Variants in CA6 observed in about 807,000 individuals in gnomAD.
CA6 encodes carbonate dehydratase VI.
A neutral mutation model predicts 35.9 loss-of-function variants in CA6; 28 were observed. The observed-to-expected ratio is 0.78, with a 90% CI of 0.58 to 1.07. CA6 has a LOEUF of 1.07. Among genes scored for constraint, CA6 ranks in the 50% least tolerant of loss-of-function variants. The pLI is 0.00. For synonymous variants in CA6, 148 were observed against 152.6 expected, an observed-to-expected ratio of 0.97 and a Z score of 0.22; for missense variants, 377 against 382.0, an observed-to-expected ratio of 0.99 and a Z score of 0.11.
intron 5 of CA6, among the ~76,000 whole-genome samples, chr1:8,966,196 G>A (rs1465984419): frequency 6.6e-6 from 1 of 151,884 alleles, no homozygotes; most frequent in African/African-American, 2.4e-5. Context: ...TGCAACCTCC[G>A]CCTCCCAAGT....
At chr1:8,953,613 CCTT>C (rs1469806257) in intron 2 of CA6, among the ~76,000 whole-genome samples, 1 of 147,340 alleles carries the variant, frequency 6.8e-6, no homozygotes. Flanking sequence ...CAGAGCAAGA[CCTT>C]CTCTCAATCA....
chr1:8,951,283 T>C, intron 2 of CA6: 2 of 572,554 alleles, frequency 3.5e-6, no homozygotes. Context: ...AAGTAGCAAA[T>C]TGGAGAATGA....
Position 8,951,626 on chromosome 1 carries a change from A to T in CA6, c.259+2184A>T, listed in dbSNP as rs775770811. Reference sequence around the variant, plus strand: ...AGAAGAGGGAAGGCATATGGAAGAGAAGAGCCCAGCTTCCCAAGGGGCTTG... The same window carrying T: ...AGAAGAGGGAAGGCATATGGAAGAGTAGAGCCCAGCTTCCCAAGGGGCTTG... On this transcript the variant is annotated intron_variant, in intron 2 of 7. Coordinates refer to ENST00000377443, the MANE Select transcript of CA6 (RefSeq NM_001215.4). 1.7e-5 allele frequency: 13 copies of T among 765,046 alleles called. No homozygotes were observed. The Admixed American group carries it at 2.0e-4, about 12-fold the overall frequency. 47.4% of individuals were successfully genotyped at this position (765,046 alleles called of 1,614,324 possible).
At chr1:8,972,745 G>T (rs1237717910) in intron 7 of CA6, among the ~76,000 whole-genome samples, 1 of 151,902 alleles carries the variant, frequency 6.6e-6, no homozygotes, top group Non-Finnish European at 1.5e-5. Context: ...CCCGAATAAG[G>T]CCTATTTGTG....
At chr1:8,974,578 C>A in intron 7 of CA6, 44 bp from the exon 8 acceptor site, 1 of 1,471,796 alleles carries the variant, frequency 6.8e-7, no homozygotes, top group Non-Finnish European at 9.4e-7. Flanking sequence ...TTTGTGAGGA[C>A]TGTACAAGGT....
rs969888912 is a variant in CA6, at chr1:8,967,185, G to A, written c.572-474G>A. Among the ~76,000 whole-genome samples, 15 of 152,040 alleles carry A rather than the reference G, an allele frequency of 9.9e-5. 1 individual carries two copies. The South Asian group carries it at 3.1e-3, about 32-fold the overall frequency. On this transcript the variant is annotated intron_variant, in intron 5 of 7. Coordinates refer to ENST00000377443, the MANE Select transcript of CA6 (RefSeq NM_001215.4). The stretch of plus-strand genomic sequence containing the variant: ...AATGAGCCCAAACCAAGGCATTTTG[G>A]TCTTTCTTCAAGGGCACTTACCCAG...
chr1:8,973,970 T>C (rs926344201), intron 7 of CA6, among the ~76,000 whole-genome samples: 3 of 151,832 alleles, frequency 2.0e-5, no homozygotes, highest in South Asian at 2.1e-4. Flanking sequence ...GGGAGTAGCA[T>C]GTACCACCAC....
At chr1:8,953,383 G>A (rs1188483949) in intron 2 of CA6, among the ~76,000 whole-genome samples, 1 of 152,144 alleles carries the variant, frequency 6.6e-6, no homozygotes, top group Non-Finnish European at 1.5e-5. Context: ...CAGCACTTTG[G>A]GAGGCCAAGG....
chr1:8,959,092 A>G (rs991091555), intron 4 of CA6, 90 bp downstream of exon 4: 1 of 753,668 alleles, frequency 1.3e-6, no homozygotes, highest in Admixed American at 2.1e-5. Flanking sequence ...AGTCTTCTTT[A>G]TTATCACTCT....
rs2274333 is a variant in CA6 at position 8,957,145 on chromosome 1, A to G, written c.268A>G (p.Ser90Gly). 496,917 of 1,607,150 alleles carry G rather than the reference A, an allele frequency of 0.31. 80,525 individuals carry two copies. Among genetic ancestry groups the G allele is most frequent in the East Asian group, 0.54 (23,987 of 44,714 alleles). ...MVNNGHTVQISLPSTMRMTVA... is the reference protein window; with the variant it reads ...MVNNGHTVQIGLPSTMRMTVA... ...CCACCTTGTCTCTCCAGTGCAGATC[A>G]GCCTGCCCTCCACCATGCGCATGAC... The change falls in exon 3 of 8, where the codon AGC becomes GGC. Residue 90 changes from serine to glycine, a missense_variant. Transcript: ENST00000377443.
chr1:8,960,789 C>CACAT (rs59987426), intron 4 of CA6, among the ~76,000 whole-genome samples: 1,724 of 116,820 alleles, frequency 0.015, 81 homozygotes, highest in Non-Finnish European at 0.017. Flanking sequence ...CACACACACA[C>CACAT]ATATATATAA....
chr1:8,951,716 A>C (rs1569664476), intron 2 of CA6: 1 of 758,812 alleles, frequency 1.3e-6, no homozygotes, highest in East Asian at 2.4e-5. Flanking sequence ...CTCTGCTCAA[A>C]TTTCTGTGGT....
chr1:8,966,319 A>T (rs1212382601), intron 5 of CA6, among the ~76,000 whole-genome samples: 1 of 152,008 alleles, frequency 6.6e-6, no homozygotes, highest in Non-Finnish European at 1.5e-5. Context: ...CATGTTGGCC[A>T]GGCTGGTCTC....
At chr1:8,959,596 G>A (rs1639780410) in intron 4 of CA6, among the ~76,000 whole-genome samples, 1 of 151,814 alleles carries the variant, frequency 6.6e-6, no homozygotes, top group Non-Finnish European at 1.5e-5. Flanking sequence ...TTACAGGCAT[G>A]AGCCACCAGG....
intron 1 of CA6, among the ~76,000 whole-genome samples, chr1:8,948,592 G>A (rs989182373): frequency 1.3e-5 from 2 of 152,072 alleles, no homozygotes; most frequent in Non-Finnish European, 2.9e-5. Context: ...GGCCCCAGGA[G>A]CAGCACAGGA....
At chr1:8,971,460 T>G (rs111938329) in intron 7 of CA6, among the ~76,000 whole-genome samples, 2,856 of 151,434 alleles carry the variant, frequency 0.019, 110 homozygotes, top group African/African-American at 0.066. Flanking sequence ...TACAGGCACC[T>G]ACCACCACGC....
rs532265641 is a variant in CA6 at position 8,974,610 on chromosome 1, T to C, written c.845-12T>C. The C allele has an allele frequency of 1.0e-5, 16 of 1,588,786 alleles. No individual in the cohort carries two copies. Among genetic ancestry groups the C allele is most frequent in the Non-Finnish European group, 1.4e-5 (16 of 1,159,570 alleles). On this transcript the variant is annotated splice_polypyrimidine_tract_variant and intron_variant, in intron 7 of 7. Coordinates refer to ENST00000377443, the MANE Select transcript of CA6 (RefSeq NM_001215.4). ...AGGTTTAACCATTTCCGACTAACTC[T>C]TCTTTTTACAGAATACACTCTAGGC...
chr1:8,956,324 A>G (rs888641021), intron 2 of CA6, among the ~76,000 whole-genome samples: 1 of 152,148 alleles, frequency 6.6e-6, no homozygotes, highest in African/African-American at 2.4e-5. Flanking sequence ...TTTTCTTAGT[A>G]ACTGAGCCCG....
intron 2 of CA6, among the ~76,000 whole-genome samples, chr1:8,955,882 T>C (rs775483635): frequency 2.9e-4 from 44 of 152,254 alleles, no homozygotes; most frequent in Non-Finnish European, 8.8e-5. Context: ...ATATTTGCTA[T>C]CTTTTAAGAA....
Sources: allele counts gnomAD v4.1 joint callset (sites outside exome capture counted in the v4.1 genomes callset), GRCh38; gene constraint gnomAD v4.1.1; transcripts MANE v1.5; gene names NCBI Gene and HGNC (gene_info 2026-07-23, HGNC 2026-07-21).